Variants in ANKRD31 observed in about 807,000 individuals in gnomAD.
ANKRD31 encodes ankyrin repeat domain-containing protein 31.
ANKRD31 carries 147 observed loss-of-function variants against 186.0 expected under a neutral mutation model. The observed-to-expected ratio is 0.79, with a 90% CI of 0.69 to 0.91. The LOEUF (loss-of-function observed/expected upper bound fraction) is 0.91, where lower values mean the gene tolerates loss of function less well. Among genes scored for constraint, ANKRD31 ranks in the 40% least tolerant of loss-of-function variants. The pLI is 0.00. For synonymous variants in ANKRD31, 673 were observed against 736.4 expected, an observed-to-expected ratio of 0.91 and a Z score of 1.39; for missense variants, 1,986 against 2,148.8, an observed-to-expected ratio of 0.92 and a Z score of 1.50.
At chr5:75,102,630 G>A (rs1746998263) in intron 22 of ANKRD31, among the ~76,000 whole-genome samples, 1 of 152,200 alleles carries the variant, frequency 6.6e-6, no homozygotes, top group South Asian at 2.1e-4. Context: ...CCTCAGCAAT[G>A]GCGGACGCCA....
intron 5 of ANKRD31, among the ~76,000 whole-genome samples, chr5:75,204,037 G>A (rs1755994259): frequency 6.6e-6 from 1 of 151,928 alleles, no homozygotes; most frequent in Admixed American, 6.5e-5. Context: ...TTGTTTAATG[G>A]TCAATTTACT....
chr5:75,135,999 C>A (rs796770476), intron 17 of ANKRD31, among the ~76,000 whole-genome samples: 1 of 152,156 alleles, frequency 6.6e-6, no homozygotes, highest in Non-Finnish European at 1.5e-5. Context: ...TTCCTTACAC[C>A]TTATACAAAA....
chr5:75,179,405 G>A (rs1754092164), intron 10 of ANKRD31, among the ~76,000 whole-genome samples: 1 of 152,090 alleles, frequency 6.6e-6, no homozygotes, highest in Non-Finnish European at 1.5e-5. Flanking sequence ...TCATCCTGAT[G>A]CCAAAGCCTG....
rs9796381 is a variant in ANKRD31, at chr5:75,133,671, G to T, written c.3876+4185C>A. Among the ~76,000 whole-genome samples the T allele has an allele frequency of 2.0e-5, 3 of 152,250 alleles. No homozygotes were observed. In the East Asian group the frequency reaches 5.8e-4, roughly 29 times the overall value. The stretch of plus-strand genomic sequence containing the variant: ...AGCTCTGCATCAAGGGGACCTAATA[G>T]ACATCTACAGAACTCTCCACCCCAA... On this transcript the variant is annotated intron_variant, in intron 17 of 25. Transcript: ENST00000506364.
chr5:75,226,024 T>C (rs1179996968), intron 2 of ANKRD31, among the ~76,000 whole-genome samples: 3 of 152,178 alleles, frequency 2.0e-5, no homozygotes, highest in Non-Finnish European at 4.4e-5. Flanking sequence ...AGCCTGGCAG[T>C]ATTCCTCTTG....
At chr5:75,126,608 G>A (rs1425037495) in intron 17 of ANKRD31, among the ~76,000 whole-genome samples, 3 of 152,102 alleles carry the variant, frequency 2.0e-5, no homozygotes, top group African/African-American at 7.2e-5. Flanking sequence ...AAAACACCAA[G>A]GGGTGGTCCA....
chr5:75,144,595 C>G (rs1751295656), intron 14 of ANKRD31, among the ~76,000 whole-genome samples: 1 of 152,026 alleles, frequency 6.6e-6, no homozygotes, highest in Non-Finnish European at 1.5e-5. Flanking sequence ...AAAATTAACT[C>G]AAGATGGATT....
intron 11 of ANKRD31, among the ~76,000 whole-genome samples, chr5:75,155,497 T>TTAAG (rs537783497): frequency 8.5e-4 from 130 of 152,254 alleles, no homozygotes; most frequent in African/African-American, 2.6e-3. Context: ...TAATGAATGT[T>TTAAG]TAAGTTGCTT....
At chr5:75,216,064 G>T (rs1029738597) in intron 3 of ANKRD31, among the ~76,000 whole-genome samples, 2 of 152,088 alleles carry the variant, frequency 1.3e-5, no homozygotes, top group African/African-American at 4.8e-5. Flanking sequence ...GTTAAAGGAG[G>T]TATCTATTTT....
At chr5:75,072,522 C>T (rs898401205) in intron 25 of ANKRD31, among the ~76,000 whole-genome samples, 7 of 152,204 alleles carry the variant, frequency 4.6e-5, no homozygotes, top group African/African-American at 1.7e-4. Flanking sequence ...TGTGCCTCAT[C>T]TGGAATGCTA....
intron 21 of ANKRD31, among the ~76,000 whole-genome samples, chr5:75,105,616 T>G (rs926689671): frequency 2.6e-5 from 4 of 152,166 alleles, no homozygotes; most frequent in African/African-American, 9.7e-5. Flanking sequence ...AGAGCCATCG[T>G]TCTTTAAATT....
intron 6 of ANKRD31, among the ~76,000 whole-genome samples, chr5:75,197,683 AG>A (rs1174184922): frequency 6.6e-6 from 1 of 152,212 alleles, no homozygotes; most frequent in African/African-American, 2.4e-5. Context: ...CACTATTTGA[AG>A]TCCTCGCACC....
intron 3 of ANKRD31, among the ~76,000 whole-genome samples, chr5:75,215,449 G>GCATATCA (rs1416434825): frequency 6.6e-6 from 1 of 151,972 alleles, no homozygotes; most frequent in Non-Finnish European, 1.5e-5. Flanking sequence ...ATCTCTCCAG[G>GCATATCA]CATATCACTA....
At chr5:75,228,088 T>C (rs1214512469) in intron 2 of ANKRD31, among the ~76,000 whole-genome samples, 1 of 152,232 alleles carries the variant, frequency 6.6e-6, no homozygotes, top group Non-Finnish European at 1.5e-5. Context: ...AACTAGTGTA[T>C]GTACACAAAC....
intron 25 of ANKRD31, among the ~76,000 whole-genome samples, chr5:75,079,575 A>G (rs1744927480): frequency 6.6e-6 from 1 of 152,010 alleles, no homozygotes; most frequent in African/African-American, 2.4e-5. Flanking sequence ...CTCGGATTCA[A>G]GCAATTCTCC....
intron 11 of ANKRD31, among the ~76,000 whole-genome samples, chr5:75,163,517 C>A (rs1053092743): frequency 6.6e-6 from 1 of 152,126 alleles, no homozygotes; most frequent in Non-Finnish European, 1.5e-5. Flanking sequence ...CTTAGGGTGA[C>A]TGAATAAATT....
chr5:75,084,368 A>T lies in ANKRD31; in HGVS notation c.5479T>A (p.Tyr1827Asn). 1 of 1,536,450 alleles carries T rather than the reference A, an allele frequency of 6.5e-7. No homozygotes were observed. Among genetic ancestry groups the T allele is most frequent in the Admixed American group, 2.0e-5 (1 of 50,982 alleles). ...TWNYAWSKVTYLGKELLRYVS... is the reference protein window; with the variant it reads ...TWNYAWSKVTNLGKELLRYVS... ...TACCTTAAAAGCTCCTTCCCAAGAT[A>T]CGTTACCTGCACATAATTAAGCACA... is the stretch of plus-strand genomic sequence containing the variant. The change falls in exon 24 of 26, where the codon TAT becomes AAT. Residue 1827 changes from tyrosine to asparagine, a missense_variant. Tyr to Asn is a moderately radical substitution (Grantham distance 143, BLOSUM62 -2). Transcript: ENST00000506364.
rs756224897 is a variant in ANKRD31 at position 75,147,242 on chromosome 5, G to A, written c.2169C>T (p.Asn723=). Residue 723 remains asparagine, a synonymous_variant, in exon 14 of 26, where the codon AAC becomes AAT. Transcript: ENST00000506364. ...TTCTTCTTCCTATACCTTTTGGTAC[G>A]TTTGTGTTGGGATCTTTGACGTTAT... is the stretch of plus-strand genomic sequence containing the variant. ...NLHNVKDPNT[N]VPKGIGRRKT... The A allele has an allele frequency of 5.6e-5, 86 of 1,535,996 alleles. No homozygotes were observed. The highest frequency in any genetic ancestry group is 4.1e-5 in the Non-Finnish European group (47 of 1,146,254).
intron 3 of ANKRD31, among the ~76,000 whole-genome samples, chr5:75,211,708 T>C (rs1005451319): frequency 1.3e-5 from 2 of 152,212 alleles, no homozygotes; most frequent in African/African-American, 4.8e-5. Context: ...TGTAAAGTGG[T>C]ATTTCATTGT....
Sources: gnomAD v4.1 joint callset for allele counts (sites outside exome capture counted in the v4.1 genomes callset) on GRCh38, gnomAD v4.1.1 for gene constraint, MANE v1.5 for transcripts, NCBI Gene and HGNC (gene_info 2026-07-23, HGNC 2026-07-21) for gene names.